Variants in SLC4A10 observed in about 807,000 individuals in gnomAD.
The protein encoded by SLC4A10 is sodium-driven chloride bicarbonate exchanger.
SLC4A10 carries 42 observed loss-of-function variants against 137.7 expected under a neutral mutation model. The observed-to-expected ratio is 0.30, with a 90% CI of 0.24 to 0.39. The LOEUF (loss-of-function observed/expected upper bound fraction) is 0.39, where lower values mean the gene tolerates loss of function less well. SLC4A10 is among the 10% of genes least tolerant of loss of function. SLC4A10 has a pLI of 1.00. For missense variants in SLC4A10, 925 were observed against 1,355.0 expected, an observed-to-expected ratio of 0.68 and a Z score of 4.98; for synonymous variants, 474 against 464.1, an observed-to-expected ratio of 1.02 and a Z score of -0.27.
rs1687465333 is a variant in SLC4A10 at position 161,918,143 on chromosome 2, GTTGT to G, written c.1997+12263_1997+12266del. ...TTAAATATCTTCAAGAAGTGTTTTT[GTTGT>G]TTGTTTTGTTTTCATTTGTTTTGTT... On this transcript the variant is annotated intron_variant, in intron 15 of 26. Transcript: ENST00000446997. Among the ~76,000 whole-genome samples, 2 of 152,000 alleles carry G rather than the reference GTTGT, an allele frequency of 1.3e-5. 1 individual carries two copies. Among genetic ancestry groups the G allele is most frequent in the Admixed American group, 1.3e-4 (2 of 15,254 alleles).
intron 1 of SLC4A10, among the ~76,000 whole-genome samples, chr2:161,752,585 T>C (rs1234867810): frequency 6.6e-6 from 1 of 152,026 alleles, no homozygotes; most frequent in Non-Finnish European, 1.5e-5. Context: ...ATAGCCAGGA[T>C]ATAAAATCAA....
At chr2:161,628,004 C>T (rs1325807640) in intron 1 of SLC4A10, among the ~76,000 whole-genome samples, 1 of 151,994 alleles carries the variant, frequency 6.6e-6, no homozygotes, top group Non-Finnish European at 1.5e-5. Context: ...ATTGTTATAA[C>T]CTTTTTGATA....
chr2:161,950,966 T>C (rs1310296711), intron 19 of SLC4A10, 118 bp downstream of exon 19: 5 of 850,888 alleles, frequency 5.9e-6, no homozygotes, highest in African/African-American at 5.2e-5. Flanking sequence ...ATAATGTTTT[T>C]AGATGTATAA....
intron 6 of SLC4A10, among the ~76,000 whole-genome samples, chr2:161,869,271 C>T (rs1324685754): frequency 1.3e-5 from 2 of 151,540 alleles, no homozygotes; most frequent in African/African-American, 4.8e-5. Context: ...AGATGCCCTT[C>T]CAAAATCTGA....
chr2:161,874,651 T>C (rs2061353109), intron 8 of SLC4A10, among the ~76,000 whole-genome samples: 1 of 152,236 alleles, frequency 6.6e-6, no homozygotes, highest in Non-Finnish European at 1.5e-5. Flanking sequence ...TAGAGCCCTC[T>C]ACTTAGTGTC....
At chr2:161,825,916 G>C (rs911411789) in intron 3 of SLC4A10, among the ~76,000 whole-genome samples, 2 of 152,180 alleles carry the variant, frequency 1.3e-5, no homozygotes, top group Admixed American at 1.3e-4. Context: ...GGTTTTTAGA[G>C]CATGGTTTGC....
intron 1 of SLC4A10, among the ~76,000 whole-genome samples, chr2:161,647,853 G>A (rs1202571771): frequency 6.6e-6 from 1 of 152,174 alleles, no homozygotes; most frequent in African/African-American, 2.4e-5. Flanking sequence ...AATTGGATTA[G>A]AGGAGAAGGT....
chr2:161,732,281 T>C (rs1378332754), intron 1 of SLC4A10, among the ~76,000 whole-genome samples: 1 of 152,150 alleles, frequency 6.6e-6, no homozygotes, highest in African/African-American at 2.4e-5. Flanking sequence ...TCTGCCTTGG[T>C]CTTTCCAGTG....
At chr2:161,935,123 C>A (rs1165152476) in intron 15 of SLC4A10, among the ~76,000 whole-genome samples, 1 of 152,158 alleles carries the variant, frequency 6.6e-6, no homozygotes, top group African/African-American at 2.4e-5. Flanking sequence ...GTTGTCCCAA[C>A]ACCATTTGTT....
intron 1 of SLC4A10, among the ~76,000 whole-genome samples, chr2:161,714,647 A>T (rs1448333252): frequency 2.0e-5 from 3 of 151,942 alleles, no homozygotes; most frequent in Non-Finnish European, 4.4e-5. Context: ...AGGCTACTGT[A>T]TAACATGGAG....
chr2:161,918,206 C>T (rs530519993), intron 15 of SLC4A10, among the ~76,000 whole-genome samples: 2 of 152,112 alleles, frequency 1.3e-5, no homozygotes, highest in African/African-American at 4.8e-5. Context: ...CCCAGGCTGG[C>T]GTGCAGCGGT....
intron 1 of SLC4A10, among the ~76,000 whole-genome samples, chr2:161,751,664 C>T (rs1410454112): frequency 1.3e-5 from 2 of 151,726 alleles, no homozygotes; most frequent in African/African-American, 4.8e-5. Context: ...GCTGGCATCA[C>T]CATCCTCCTT....
chr2:161,727,625 A>G (rs2046371847), intron 1 of SLC4A10, among the ~76,000 whole-genome samples: 1 of 152,206 alleles, frequency 6.6e-6, no homozygotes, highest in Non-Finnish European at 1.5e-5. Context: ...GAGAGAACAA[A>G]TAAGAGTTCT....
At chr2:161,652,084 C>T (rs1876816) in intron 1 of SLC4A10, among the ~76,000 whole-genome samples, 132,614 of 152,220 alleles carry the variant, frequency 0.87, 58,390 homozygotes, top group East Asian at 1. Context: ...TATTCTATCC[C>T]TTTCATGCTT....
intron 3 of SLC4A10, among the ~76,000 whole-genome samples, chr2:161,813,951 G>GCTTCTTCT (rs2056809797): frequency 3.3e-5 from 5 of 151,988 alleles, no homozygotes; most frequent in African/African-American, 1.2e-4. Flanking sequence ...AGTACCCCCA[G>GCTTCTTCT]GTGATTCTTC....
chr2:161,638,780 T>C (rs945455053), intron 1 of SLC4A10, among the ~76,000 whole-genome samples: 2 of 152,012 alleles, frequency 1.3e-5, no homozygotes, highest in Non-Finnish European at 2.9e-5. Flanking sequence ...ATTTGTGTCT[T>C]CTTCAATTTC....
intron 1 of SLC4A10, among the ~76,000 whole-genome samples, chr2:161,664,032 GC>G (rs2038755630): frequency 6.6e-6 from 1 of 151,890 alleles, no homozygotes; most frequent in African/African-American, 2.4e-5. Flanking sequence ...CTTTAGTTTT[GC>G]TTTAGATTCA....
intron 1 of SLC4A10, among the ~76,000 whole-genome samples, chr2:161,754,527 A>G (rs975293436): frequency 5.9e-5 from 9 of 152,182 alleles, no homozygotes; most frequent in African/African-American, 1.9e-4. Flanking sequence ...CAGAAAAGGA[A>G]TCAAAATTTC....
intron 15 of SLC4A10, among the ~76,000 whole-genome samples, chr2:161,916,592 T>C (rs1687159952): frequency 2.0e-5 from 3 of 152,174 alleles, no homozygotes. Flanking sequence ...CTGTGACCTT[T>C]AAGGTATGGC....
Sources: gnomAD v4.1 joint callset for allele counts (sites outside exome capture counted in the v4.1 genomes callset) on GRCh38, gnomAD v4.1.1 for gene constraint, MANE v1.5 for transcripts, NCBI Gene and HGNC (gene_info 2026-07-23, HGNC 2026-07-21) for gene names.